Variants in SRSF1 observed in about 807,000 individuals in gnomAD.
SRSF1 encodes the protein serine and arginine rich splicing factor 1, also known as serine/arginine-rich splicing factor 1.
Under a neutral mutation model 25.9 loss-of-function variants are expected in SRSF1, and 1 was observed. The ratio of observed to expected loss-of-function variants is 0.04; its 90% confidence interval spans 0.01 to 0.18. The LOEUF is 0.18. Among genes scored for constraint, SRSF1 ranks in the 10% least tolerant of loss-of-function variants. The pLI, the probability that SRSF1 is intolerant of heterozygous loss-of-function variation, is 1.00. For missense variants in SRSF1, 65 were observed against 350.5 expected, an observed-to-expected ratio of 0.19 and a Z score of 6.50; for synonymous variants, 132 against 126.2, an observed-to-expected ratio of 1.05 and a Z score of -0.31.
the SRSF1 span, chr17:57,993,820 T>G: frequency 6.6e-6 from 1 of 152,258 alleles, no homozygotes; most frequent in East Asian, 1.9e-4. Flanking sequence ...GACCCTGCCC[T>G]CTGCTAGCTT....
downstream of SRSF1, among the ~76,000 whole-genome samples, chr17:57,997,403 C>T (rs2075369422): frequency 6.6e-6 from 1 of 152,126 alleles, no homozygotes; most frequent in Non-Finnish European, 1.5e-5. Flanking sequence ...TAAATTCTTC[C>T]CATCTCGCCC....
chr17:57,995,348 T>A, the SRSF1 span, among the ~76,000 whole-genome samples: 1 of 152,138 alleles, frequency 6.6e-6, no homozygotes, highest in African/African-American at 2.4e-5. Context: ...TGCTGTGTAG[T>A]TATTGAGTGG....
At chr17:58,006,080 C>T in intron 2 of SRSF1, 107 bp from the exon 3 acceptor site, 2 of 1,087,280 alleles carry the variant, frequency 1.8e-6, no homozygotes, top group Non-Finnish European at 1.3e-6. Context: ...AATAGGTGTA[C>T]TTAAGTGATA....
rs2075398752 is a variant in SRSF1 at position 58,002,503 on chromosome 17, C to T, written c.*2903G>A. Among the ~76,000 whole-genome samples, 1 of 152,202 alleles carries T rather than the reference C, an allele frequency of 6.6e-6. No individual in the cohort carries two copies. The highest frequency in any genetic ancestry group is 2.1e-4 in the South Asian group (1 of 4,834). ...CCCCAACCTAAATAGTACCAAGGGGCTGTCAGTAGACAAATACAAGAAGTA... is the reference window on the plus strand; with the variant it reads ...CCCCAACCTAAATAGTACCAAGGGGTTGTCAGTAGACAAATACAAGAAGTA... On this transcript the variant is annotated 3_prime_UTR_variant, in exon 4 of 4. Coordinates refer to ENST00000258962, the MANE Select transcript of SRSF1 (RefSeq NM_006924.5).
chr17:57,996,483 T>TTAAAAAAAA (rs538866531), downstream of SRSF1, among the ~76,000 whole-genome samples: 3,380 of 72,510 alleles, frequency 0.047, 264 homozygotes, highest in Middle Eastern at 0.068. Flanking sequence ...GACACTGTCT[T>TTAAAAAAAA]AAAAAAAAAA....
At chr17:57,991,982 G>A in the SRSF1 span, 2 of 152,138 alleles carry the variant, frequency 1.3e-5, no homozygotes, top group East Asian at 3.8e-4. Flanking sequence ...GTAGTCGAGG[G>A]CTTTTAATTA....
At chr17:57,989,514 C>T in the SRSF1 span, 1 of 397,694 alleles carries the variant, frequency 2.5e-6, no homozygotes, top group Non-Finnish European at 4.4e-6. Context: ...CCAACTTCCC[C>T]CATAGACAAT....
Position 58,003,541 on chromosome 17 carries a change from A to G in SRSF1, c.*1865T>C, listed in dbSNP as rs555229680. On this transcript the variant is annotated 3_prime_UTR_variant, in exon 4 of 4. Coordinates refer to ENST00000258962, the MANE Select transcript of SRSF1 (RefSeq NM_006924.5). The stretch of plus-strand genomic sequence containing the variant: ...TTTTCAAAGAAAACGGCAATAGCCA[A>G]TTGGAAACCTACTTATTCTTCAACT... 6.6e-6 allele frequency: 1 copy of G among 152,244 alleles called. No individual in the cohort carries two copies. The highest frequency in any genetic ancestry group is 6.5e-5 in the Admixed American group (1 of 15,282). 9.4% of individuals were successfully genotyped at this position (152,244 alleles called of 1,614,324 possible).
At position 58,005,434 on chromosome 17, in the gene SRSF1, C is replaced by T. The variant is rs953693927; in HGVS notation, c.719G>A (p.Arg240His). Reference protein sequence around the residue: ...RSRGSPRYSPRHSRSRSRT With the variant: ...RSRGSPRYSPHHSRSRSRT ...TGTACGAGAGCGAGATCTGCTATGACGGGGAGAATAGCGTGGTGATCCTCT... is the reference window on the plus strand; with the variant it reads ...TGTACGAGAGCGAGATCTGCTATGATGGGGAGAATAGCGTGGTGATCCTCT... Residue 240 changes from arginine to histidine, a missense_variant, in exon 4 of 4, where the codon CGT (arginine) becomes CAT (histidine). This residue lies in a region of SRSF1 where 63 missense variants were observed against 284.8 expected (regional missense o/e 0.22). Transcript: ENST00000258962. The surrounding 1 kb of genome is among the most constrained non-coding windows in gnomAD (Gnocchi z 5.2). 7 of 1,614,188 alleles carry T rather than the reference C, an allele frequency of 4.3e-6. No homozygotes were observed. Among genetic ancestry groups the T allele is most frequent in the African/African-American group, 1.3e-5 (1 of 75,046 alleles).
chr17:57,991,787 G>A, the SRSF1 span: 2 of 152,134 alleles, frequency 1.3e-5, no homozygotes, highest in Non-Finnish European at 2.9e-5. Flanking sequence ...TCAGGTTTGT[G>A]TTTCAATTCT....
At chr17:58,000,849 A>G (rs2075384657), downstream of SRSF1, among the ~76,000 whole-genome samples, 1 of 152,204 alleles carries the variant, frequency 6.6e-6, no homozygotes. Flanking sequence ...GTCTGTGGCA[A>G]CTGTGCAATG....
At chr17:57,996,231 T>C (rs750467656), downstream of SRSF1, among the ~76,000 whole-genome samples, 1 of 152,096 alleles carries the variant, frequency 6.6e-6, no homozygotes, top group Non-Finnish European at 1.5e-5. Flanking sequence ...ATGCCTGTAA[T>C]CCCAGCACTT....
At chr17:57,994,026 C>A in the SRSF1 span, 3 of 152,198 alleles carry the variant, frequency 2.0e-5, no homozygotes, top group Admixed American at 6.5e-5. Flanking sequence ...GGTACAAAGA[C>A]CAGAAACACA....
At position 58,005,346 on chromosome 17, in the gene SRSF1, G is replaced by C; in HGVS notation, c.*60C>G. ...GTTTGAATTAAAAAATGAAAAGATT[G>C]TACTGAATAAAGGAAAACTGTATAC... is the stretch of plus-strand genomic sequence containing the variant. On this transcript the variant is annotated 3_prime_UTR_variant, in exon 4 of 4. Transcript: ENST00000258962. This position sits in a 1 kb window ranked among gnomAD's most constrained non-coding sequence, Gnocchi z 5.2. 1 of 1,567,228 alleles carries C rather than the reference G, an allele frequency of 6.4e-7. No homozygotes were observed. Among genetic ancestry groups the C allele is most frequent in the Non-Finnish European group, 8.7e-7 (1 of 1,144,574 alleles).
chr17:58,006,249 T>A, intron 2 of SRSF1, 94 bp downstream of exon 2: 1 of 1,436,932 alleles, frequency 7.0e-7, no homozygotes, highest in Non-Finnish European at 9.4e-7. Flanking sequence ...AGACCTAGCA[T>A]GAAAAATTTG....
In SRSF1 at chr17:58,005,984, GATT is replaced by G; in HGVS notation, c.380-14_380-12del. The G allele has an allele frequency of 1.9e-6, 3 of 1,604,712 alleles. No homozygotes were observed. Reference sequence around the variant, plus strand: ...CACTTGGAGGCAGTCCTGAAAAAGTGATTTTTTTTTTCTTAGTACCAATTATCT... The same window carrying G: ...CACTTGGAGGCAGTCCTGAAAAAGTGTTTTTTTTCTTAGTACCAATTATCT... On this transcript the variant is annotated splice_polypyrimidine_tract_variant and intron_variant, in intron 2 of 3. Coordinates refer to ENST00000258962, the MANE Select transcript of SRSF1 (RefSeq NM_006924.5). This position sits in a 1 kb window ranked among gnomAD's most constrained non-coding sequence, Gnocchi z 5.2.
Position 58,004,815 on chromosome 17 carries a change from T to C in SRSF1, c.*591A>G, listed in dbSNP as rs908299692. 2.5e-6 allele frequency: 1 copy of C among 396,696 alleles called. No homozygotes were observed. The highest frequency in any genetic ancestry group is 4.4e-5 in the Admixed American group (1 of 22,680). 24.6% of individuals were successfully genotyped at this position (396,696 alleles called of 1,614,324 possible). Reference sequence around the variant, plus strand: ...TAGCTAAAGACAACTGAATAAAATGTTTGCAAGTGTTTTAAGGAAAATGTA... The same window carrying C: ...TAGCTAAAGACAACTGAATAAAATGCTTGCAAGTGTTTTAAGGAAAATGTA... On this transcript the variant is annotated 3_prime_UTR_variant, in exon 4 of 4. Transcript: ENST00000258962.
Position 58,004,177 on chromosome 17 carries a change from A to C in SRSF1, c.*1229T>G, listed in dbSNP as rs776452678. On this transcript the variant is annotated 3_prime_UTR_variant, in exon 4 of 4. Transcript: ENST00000258962. ...GTGTTCAGATAAATTTTAGAAACTT[A>C]ATCATCATAGAGACTAATTGGAAGA... The C allele has an allele frequency of 1.3e-5, 2 of 152,692 alleles. No homozygotes were observed. Among genetic ancestry groups the C allele is most frequent in the African/African-American group, 4.8e-5 (2 of 41,480 alleles). 9.5% of individuals were successfully genotyped at this position (152,692 alleles called of 1,614,324 possible).
the SRSF1 span, chr17:57,990,356 T>C: frequency 6.6e-6 from 1 of 152,126 alleles, no homozygotes; most frequent in South Asian, 2.1e-4. Flanking sequence ...TTTCTATCCA[T>C]AAGACAAAAT....
Sources: gnomAD v4.1 joint callset for allele counts (sites outside exome capture counted in the v4.1 genomes callset) on GRCh38, gnomAD v4.1.1 for gene constraint, gnomAD v4.1.1 regional missense constraint, Gnocchi (gnomAD v3.1) non-coding constraint, MANE v1.5 for transcripts, NCBI Gene and HGNC (gene_info 2026-07-23, HGNC 2026-07-21) for gene names.